TSBP1: variants seen among roughly 807,000 people sequenced by gnomAD.
The protein encoded by TSBP1 is testis expressed basic protein 1.
A neutral mutation model predicts 68.8 loss-of-function variants in TSBP1; 56 were observed. The observed-to-expected ratio is 0.81, with a 90% CI of 0.66 to 1.02. The LOEUF is 1.02. Among genes scored for constraint, TSBP1 ranks in the 50% least tolerant of loss-of-function variants. The probability of loss-of-function intolerance (pLI) is 0.00; values close to 1 mark genes in which losing one functional copy is unlikely to be tolerated. For synonymous variants in TSBP1, 171 were observed against 208.7 expected (o/e 0.82, Z 1.56); for missense variants, 502 against 641.2 (o/e 0.78, Z 2.34).
At position 32,306,953 on chromosome 6, in the gene TSBP1, T is replaced by C. The variant is rs576608801; in HGVS notation, c.581-4324A>G. ...ATGATTTTGAGGAAATTTTGCTTTC[T>C]CTCCACATTTCTATTTTGTTCCTTG... On this transcript the variant is annotated intron_variant, in intron 19 of 22. Transcript: ENST00000612031. This position sits in a 1 kb window ranked among gnomAD's most constrained non-coding sequence, Gnocchi z 5.1. 6.6e-6 allele frequency among the ~76,000 whole-genome samples: 1 copy of C among 152,344 alleles called. No homozygotes were observed. Among genetic ancestry groups the C allele is most frequent in the South Asian group, 2.1e-4 (1 of 4,832 alleles).
At chr6:32,345,923 A>G (rs1770961088) in intron 9 of TSBP1, among the ~76,000 whole-genome samples, 1 of 152,062 alleles carries the variant, frequency 6.6e-6, no homozygotes, top group Non-Finnish European at 1.5e-5. Context: ...CTGTGGCCCT[A>G]TGCATCTTTC....
rs1210162012 is a variant in TSBP1 at position 32,323,618 on chromosome 6, A to G, written c.515-4T>C. ...CGGGGTGCTGAAGGTGGACCAGCTG[A>G]AAAACAGAGAGGTATCTTAGCAACT... On this transcript the variant is annotated splice_polypyrimidine_tract_variant and splice_region_variant and intron_variant, in intron 16 of 22. Coordinates refer to ENST00000612031, the Ensembl canonical transcript of TSBP1. 1.4e-5 allele frequency: 22 copies of G among 1,612,080 alleles called. No individual in the cohort carries two copies. The highest frequency in any genetic ancestry group is 1.9e-5 in the Non-Finnish European group (22 of 1,179,376).
chr6:32,329,191 A>G (rs951453540), intron 16 of TSBP1, among the ~76,000 whole-genome samples: 17 of 152,144 alleles, frequency 1.1e-4, no homozygotes, highest in African/African-American at 3.6e-4. Context: ...TCATTTATAC[A>G]CTATCATATT....
At chr6:32,324,471 T>C in intron 16 of TSBP1, 1 of 788,712 alleles carries the variant, frequency 1.3e-6, no homozygotes, top group South Asian at 1.5e-5. Flanking sequence ...CAGGGGATTG[T>C]AAATTGATAG....
chr6:32,371,548 CAAT>C (rs1774425883), intron 1 of TSBP1, 143 bp downstream of exon 1: 1 of 693,324 alleles, frequency 1.4e-6, no homozygotes, highest in African/African-American at 1.8e-5. Context: ...CCAGAGGAAT[CAAT>C]AAGAGTGAAA....
At chr6:32,369,817 G>A (rs572414891) in intron 2 of TSBP1, 80 bp downstream of exon 2, 8 of 882,558 alleles carry the variant, frequency 9.1e-6, no homozygotes, top group Non-Finnish European at 1.6e-5. Flanking sequence ...TGATGAGTGA[G>A]ATGAACTCAG....
At chr6:32,349,551 C>T in intron 9 of TSBP1, 189 bp downstream of exon 9, 2 of 569,670 alleles carry the variant, frequency 3.5e-6, no homozygotes, top group South Asian at 4.8e-5. Flanking sequence ...TAATAAACCA[C>T]TAGAAACTTG....
At chr6:32,328,209 T>C (rs1480228057) in intron 16 of TSBP1, among the ~76,000 whole-genome samples, 1 of 151,698 alleles carries the variant, frequency 6.6e-6, no homozygotes, top group Non-Finnish European at 1.5e-5. Flanking sequence ...CCCAGAGTGC[T>C]GGGATTATAG....
Position 32,339,401 on chromosome 6 carries a change from TG to T in TSBP1, c.388+198del, listed in dbSNP as rs1770065812. 3 of 679,318 alleles carry T rather than the reference TG, an allele frequency of 4.4e-6. No homozygotes were observed. In the South Asian group the frequency reaches 4.5e-5, roughly 10 times the overall value. The allele number at this position is 679,318 out of a possible 1,614,324, so 42.1% of individuals were successfully genotyped here. A position where few individuals can be genotyped will look rare whatever the true frequency, so the allele number is the denominator to read the frequency against. On this transcript the variant is annotated intron_variant, in intron 10 of 22. Coordinates refer to ENST00000612031, the Ensembl canonical transcript of TSBP1. ...CTGGTAAAAGAGAGAACAGTAAAATTGCAAGTTTTTCTCCTTTCCTCCATCT... is the reference window on the plus strand; with the variant it reads ...CTGGTAAAAGAGAGAACAGTAAAATTCAAGTTTTTCTCCTTTCCTCCATCT...
At chr6:32,344,728 G>A (rs1770779878) in intron 9 of TSBP1, among the ~76,000 whole-genome samples, 1 of 152,130 alleles carries the variant, frequency 6.6e-6, no homozygotes, top group African/African-American at 2.4e-5. Context: ...ATATTTTGGT[G>A]GTGTGGCCGA....
intron 9 of TSBP1, among the ~76,000 whole-genome samples, chr6:32,342,788 A>C (rs1429385314): frequency 6.6e-6 from 1 of 152,202 alleles, no homozygotes; most frequent in Non-Finnish European, 1.5e-5. Context: ...CTACAGTCAG[A>C]GTGTACAGCA....
At position 32,293,034 on chromosome 6, in the gene TSBP1, T is replaced by A; in HGVS notation, c.1639A>T (p.Lys547Ter). 1 of 1,612,312 alleles carries A rather than the reference T, an allele frequency of 6.2e-7. No homozygotes were observed. Among genetic ancestry groups the A allele is most frequent in the Non-Finnish European group, 8.5e-7 (1 of 1,179,834 alleles). Residue 547 changes from lysine (K) to a stop codon, truncating the protein, a stop_gained, in exon 23 of 23, where the codon AAA (lysine) becomes TAA (stop). Transcript: ENST00000612031. LOFTEE classifies it low-confidence loss of function (END_TRUNC). ...CTTCCTGTATTTGCCTTCGCCCTTT[T>A]CGAGCCTTTTGATTTTTCACCATTG...
chr6:32,305,796 A>G (rs1007931210), intron 19 of TSBP1, among the ~76,000 whole-genome samples: 1 of 152,216 alleles, frequency 6.6e-6, no homozygotes, highest in African/African-American at 2.4e-5. Flanking sequence ...ACGCCTGGCC[A>G]GGTCATATGT....
intron 9 of TSBP1, among the ~76,000 whole-genome samples, chr6:32,341,689 T>C (rs1363965242): frequency 6.6e-6 from 1 of 152,184 alleles, no homozygotes; most frequent in Non-Finnish European, 1.5e-5. Context: ...AGTGAATCCC[T>C]TCCTTTTCGT....
In TSBP1 at chr6:32,314,352, A is replaced by G. The variant is rs1433090325; in HGVS notation, c.580+1420T>C. ...TGATGACTCCTCTGAAAAGGACACT[A>G]TGCATTCAATTTGGGTTCTGCCTTG... is the stretch of plus-strand genomic sequence containing the variant. On this transcript the variant is annotated intron_variant, in intron 19 of 22. Transcript: ENST00000612031. This position sits in a 1 kb window ranked among gnomAD's most constrained non-coding sequence, Gnocchi z 4.2. Among the ~76,000 whole-genome samples, 2 of 152,136 alleles carry G rather than the reference A, an allele frequency of 1.3e-5. No homozygotes were observed. The highest frequency in any genetic ancestry group is 2.9e-5 in the Non-Finnish European group (2 of 68,012).
At chr6:32,355,430 A>G (rs1329185858) in intron 7 of TSBP1, among the ~76,000 whole-genome samples, 1 of 150,448 alleles carries the variant, frequency 6.6e-6, no homozygotes, top group Non-Finnish European at 1.5e-5. Flanking sequence ...TCTCCCTTTT[A>G]TCTTTATTAC....
chr6:32,342,852 G>A (rs1464454675), intron 9 of TSBP1, among the ~76,000 whole-genome samples: 1 of 152,148 alleles, frequency 6.6e-6, no homozygotes, highest in Non-Finnish European at 1.5e-5. Context: ...AGTCAAGGGA[G>A]GATCTGTTTA....
chr6:32,354,301 C>A (rs1402935475), intron 8 of TSBP1, among the ~76,000 whole-genome samples: 2 of 151,938 alleles, frequency 1.3e-5, no homozygotes. Flanking sequence ...TAGGGTGAAG[C>A]CTCACTAGCT....
chr6:32,320,016 C>G (rs1767433180), intron 18 of TSBP1: 1 of 385,232 alleles, frequency 2.6e-6, no homozygotes, highest in African/African-American at 2.1e-5. Context: ...TTATATTTCT[C>G]TGGGTTGGAA....
Sources: allele counts gnomAD v4.1 joint callset (sites outside exome capture counted in the v4.1 genomes callset), GRCh38; gene constraint gnomAD v4.1.1; non-coding constraint Gnocchi (gnomAD v3.1); transcripts MANE v1.5; gene names NCBI Gene and HGNC (gene_info 2026-07-23, HGNC 2026-07-21).